Variants in ITPR2 observed in about 807,000 individuals in gnomAD.
The protein encoded by ITPR2 is inositol 1,4,5-trisphosphate receptor type 2.
ITPR2 carries 207 observed loss-of-function variants against 317.1 expected under a neutral mutation model. The observed-to-expected ratio is 0.65, with a 90% CI of 0.58 to 0.73. The LOEUF (loss-of-function observed/expected upper bound fraction) is 0.73, where lower values mean the gene tolerates loss of function less well. ITPR2 is among the 30% of genes least tolerant of loss of function. The pLI is 0.00. For missense variants in ITPR2, 2,613 were observed against 3,284.0 expected, an observed-to-expected ratio of 0.80 and a Z score of 4.99; for synonymous variants, 1,156 against 1,149.1, an observed-to-expected ratio of 1.01 and a Z score of -0.12.
Position 26,723,495 on chromosome 12 carries a change from A to T in ITPR2, c.367-940T>A, listed in dbSNP as rs146940587. Among the ~76,000 whole-genome samples, 102 of 152,210 alleles carry T rather than the reference A, an allele frequency of 6.7e-4. 2 individuals are homozygous for T. In the East Asian group the frequency reaches 0.016, roughly 23 times the overall value. On this transcript the variant is annotated intron_variant, in intron 4 of 56. Transcript: ENST00000381340. ...TTCCACTTGCTGACATTTAACCGAA[A>T]CTTGGTTAAGAGAAACTCTATTTAT...
chr12:26,658,059 C>T lies in ITPR2; in HGVS notation c.1958G>A (p.Cys653Tyr). The T allele has an allele frequency of 1.2e-6, 2 of 1,613,034 alleles. No homozygotes were observed. Among genetic ancestry groups the T allele is most frequent in the Non-Finnish European group, 1.7e-6 (2 of 1,179,256 alleles). Residue 653 changes from cysteine (C) to tyrosine (Y), a missense_variant, in exon 17 of 57, where the codon TGT becomes TAT. Physicochemically the swap from Cys to Tyr is radical, Grantham distance 194. Transcript: ENST00000381340. ...ATTGCCTGGACTCAACATAAATTTA[C>T]AGATGAGTTCTTGAGTTACAGGGAT... ...TAIPVTQELI[C>Y]KFMLSPGNAD...
At chr12:26,581,729 T>G (rs1420392825) in intron 32 of ITPR2, among the ~76,000 whole-genome samples, 1 of 152,214 alleles carries the variant, frequency 6.6e-6, no homozygotes, top group African/African-American at 2.4e-5. Context: ...GATCTTCCTA[T>G]GATGGATAAG....
chr12:26,612,237 G>A (rs993636396), intron 26 of ITPR2, among the ~76,000 whole-genome samples: 14 of 142,758 alleles, frequency 9.8e-5, no homozygotes, highest in African/African-American at 3.2e-4. Flanking sequence ...TTATGTTATT[G>A]GAGATATTTT....
At chr12:26,621,050 G>A (rs1946480466) in intron 26 of ITPR2, 73 bp downstream of exon 26, 8 of 1,300,418 alleles carry the variant, frequency 6.2e-6, no homozygotes, top group Admixed American at 4.5e-5. Context: ...AATTTTGATT[G>A]TAGAGCATGT....
At chr12:26,816,685 C>A (rs950918207) in intron 1 of ITPR2, among the ~76,000 whole-genome samples, 1 of 152,014 alleles carries the variant, frequency 6.6e-6, no homozygotes, top group Non-Finnish European at 1.5e-5. Context: ...ACTATAATTG[C>A]GGTAAGTTTT....
intron 4 of ITPR2, 43 bp from the exon 5 acceptor site, chr12:26,722,598 T>C (rs753905000): frequency 2.1e-6 from 3 of 1,428,388 alleles, no homozygotes; most frequent in Non-Finnish European, 2.9e-6. Flanking sequence ...TTCTTTGTTC[T>C]CCTCTGTTAA....
At chr12:26,541,142 T>G (rs1181729085) in intron 37 of ITPR2, among the ~76,000 whole-genome samples, 1 of 103,268 alleles carries the variant, frequency 9.7e-6, no homozygotes, top group Non-Finnish European at 2.0e-5. Flanking sequence ...ACCCCATCTC[T>G]GCTTAAAAAA....
chr12:26,405,896 T>G (rs11048501), intron 52 of ITPR2, among the ~76,000 whole-genome samples: 10,495 of 152,182 alleles, frequency 0.069, 475 homozygotes, highest in East Asian at 0.18. Flanking sequence ...AAGTGCAGGT[T>G]GCAATGAGCT....
At chr12:26,369,317 T>A (rs1429773510) in intron 55 of ITPR2, among the ~76,000 whole-genome samples, 1 of 152,114 alleles carries the variant, frequency 6.6e-6, no homozygotes, top group Non-Finnish European at 1.5e-5. Flanking sequence ...TGAGGCATAG[T>A]CAGTAGAGGG....
At chr12:26,593,658 A>G (rs1439681280) in intron 32 of ITPR2, among the ~76,000 whole-genome samples, 2 of 152,234 alleles carry the variant, frequency 1.3e-5, no homozygotes. Context: ...GAAGATATTG[A>G]AATTCCCCTA....
intron 11 of ITPR2, 38 bp from the exon 12 acceptor site, chr12:26,682,711 A>C: frequency 8.0e-7 from 1 of 1,249,360 alleles, no homozygotes; most frequent in Non-Finnish European, 1.2e-6. Context: ...AATTATAAAA[A>C]ATTAGCACAC....
chr12:26,652,688 A>C (rs1947284670), intron 21 of ITPR2, among the ~76,000 whole-genome samples: 1 of 152,194 alleles, frequency 6.6e-6, no homozygotes, highest in South Asian at 2.1e-4. Flanking sequence ...ATACAAAGAC[A>C]CAAAGGGTGG....
chr12:26,343,232 A>T (rs1938195207), intron 55 of ITPR2, among the ~76,000 whole-genome samples: 1 of 152,218 alleles, frequency 6.6e-6, no homozygotes, highest in South Asian at 2.1e-4. Flanking sequence ...ATTAGCTGGG[A>T]TCCCAACTCA....
At chr12:26,823,608 C>T (rs1012772252) in intron 1 of ITPR2, among the ~76,000 whole-genome samples, 1 of 152,096 alleles carries the variant, frequency 6.6e-6, no homozygotes, top group Non-Finnish European at 1.5e-5. Flanking sequence ...CAGCATAAAC[C>T]ACATCTCCAG....
At chr12:26,727,553 C>T (rs1342896832) in intron 2 of ITPR2, among the ~76,000 whole-genome samples, 3 of 152,210 alleles carry the variant, frequency 2.0e-5, no homozygotes, top group Admixed American at 6.5e-5. Flanking sequence ...TCCTAATTAG[C>T]GATATCTTTG....
At position 26,494,097 on chromosome 12, in the gene ITPR2, A is replaced by G. The variant is rs1447903520; in HGVS notation, c.5370+56T>C. On this transcript the variant is annotated intron_variant, in intron 39 of 56. Transcript: ENST00000381340. ...ATTACTTTTCCTTGGTTTCTGTGAC[A>G]AGTAAACAAGAAATACCAATAATAA... 4.4e-6 allele frequency: 6 copies of G among 1,362,162 alleles called. No individual in the cohort carries two copies. The African/African-American group carries it at 8.9e-5, about 20-fold the overall frequency. 84.4% of individuals were successfully genotyped at this position (1,362,162 alleles called of 1,614,324 possible).
At chr12:26,750,084 A>T (rs144491276) in intron 2 of ITPR2, among the ~76,000 whole-genome samples, 304 of 152,324 alleles carry the variant, frequency 2.0e-3, no homozygotes, top group African/African-American at 6.8e-3. Flanking sequence ...TGTGAGTGTA[A>T]CCTTGCATAA....
intron 1 of ITPR2, among the ~76,000 whole-genome samples, chr12:26,804,592 T>G (rs1341502264): frequency 6.6e-6 from 1 of 152,250 alleles, no homozygotes; most frequent in African/African-American, 2.4e-5. Context: ...TGCATTAAAT[T>G]AAATCATTTC....
At chr12:26,438,396 T>G (rs1941410142) in intron 47 of ITPR2, among the ~76,000 whole-genome samples, 1 of 152,154 alleles carries the variant, frequency 6.6e-6, no homozygotes, top group African/African-American at 2.4e-5. Flanking sequence ...ACATATCCTG[T>G]TTGTCTAGAA....
Sources: allele counts gnomAD v4.1 joint callset (sites outside exome capture counted in the v4.1 genomes callset), GRCh38; gene constraint gnomAD v4.1.1; transcripts MANE v1.5; gene names NCBI Gene and HGNC (gene_info 2026-07-23, HGNC 2026-07-21).